TULP4: variants seen among roughly 807,000 people sequenced by gnomAD.
TULP4 encodes the protein TUB like protein 4.
TULP4 carries 16 observed loss-of-function variants against 129.0 expected under a neutral mutation model. That is an observed-to-expected ratio of 0.12 (90% CI 0.08 to 0.19). The LOEUF (loss-of-function observed/expected upper bound fraction) is 0.19, where lower values mean the gene tolerates loss of function less well. Among genes scored for constraint, TULP4 ranks in the 10% least tolerant of loss-of-function variants. The pLI is 1.00. For synonymous variants in TULP4, 998 were observed against 854.0 expected, an observed-to-expected ratio of 1.17 and a Z score of -2.94; for missense variants, 1,842 against 2,059.1, an observed-to-expected ratio of 0.89 and a Z score of 2.04.
At chr6:158,251,449 G>A (rs1778137103) in intron 1 of TULP4, among the ~76,000 whole-genome samples, 2 of 144,576 alleles carry the variant, frequency 1.4e-5, no homozygotes, top group Admixed American at 1.5e-4. Flanking sequence ...TTCTAACTTA[G>A]ACTTAATATA....
intron 8 of TULP4, among the ~76,000 whole-genome samples, chr6:158,485,045 T>C (rs1780034259): frequency 6.6e-6 from 1 of 152,226 alleles, no homozygotes; most frequent in Non-Finnish European, 1.5e-5. Context: ...AGGGCAATTC[T>C]GGTGAGGTCT....
chr6:158,475,807 A>G (rs1415399184), intron 6 of TULP4, among the ~76,000 whole-genome samples: 1 of 152,194 alleles, frequency 6.6e-6, no homozygotes, highest in Non-Finnish European at 1.5e-5. Context: ...AGTTAGCGCC[A>G]TTTGACTCTT....
chr6:158,476,030 C>T (rs1190348572), intron 6 of TULP4, among the ~76,000 whole-genome samples: 2 of 152,158 alleles, frequency 1.3e-5, no homozygotes, highest in Non-Finnish European at 2.9e-5. Context: ...TTCATTTCCC[C>T]AGGTCAGTGA....
At chr6:158,368,690 A>G (rs565316557) in intron 1 of TULP4, among the ~76,000 whole-genome samples, 14 of 152,344 alleles carry the variant, frequency 9.2e-5, no homozygotes, top group African/African-American at 3.4e-4. Context: ...TCACAGATCC[A>G]TCCCAGTTAT....
At chr6:158,309,252 G>A (rs1476046905), upstream of TULP4, among the ~76,000 whole-genome samples, 1 of 134,614 alleles carries the variant, frequency 7.4e-6, no homozygotes, top group Non-Finnish European at 1.6e-5. Flanking sequence ...CCTCCCAGAC[G>A]GGGTCGCGGC....
At chr6:158,277,816 C>A (rs1204560462), upstream of TULP4, among the ~76,000 whole-genome samples, 1 of 152,176 alleles carries the variant, frequency 6.6e-6, no homozygotes, top group African/African-American at 2.4e-5. Context: ...AAACAACTCC[C>A]TGTAACAGTC....
intron 1 of TULP4, among the ~76,000 whole-genome samples, chr6:158,236,658 C>CTG (rs1427355445): frequency 6.6e-6 from 1 of 152,000 alleles, no homozygotes; most frequent in Admixed American, 6.6e-5. Context: ...CAGACTCTAG[C>CTG]TGAAATAGTA....
chr6:158,284,234 A>G (rs1431900152), intron 1 of TULP4, among the ~76,000 whole-genome samples: 2 of 152,224 alleles, frequency 1.3e-5, no homozygotes, highest in African/African-American at 4.8e-5. Flanking sequence ...GCTGGAAAAC[A>G]AAACAAAAAC....
In TULP4 at chr6:158,365,511, C is replaced by T. The variant is rs187675329; in HGVS notation, c.253-47554C>T. 4.0e-3 allele frequency among the ~76,000 whole-genome samples: 558 copies of T among 139,680 alleles called. 3 individuals are homozygous for T. Among genetic ancestry groups the T allele is most frequent in the African/African-American group, 0.014 (527 of 37,462 alleles). The allele number at this position is 139,680 out of a possible 152,430, so 91.6% of individuals were successfully genotyped here. ...TTTGTTTTTGAGACAGAGTCTTGCT[C>T]TGTTGCCCAGGCTGGAGTGCAGTGG... On this transcript the variant is annotated intron_variant, in intron 1 of 13. Transcript: ENST00000367097.
intron 1 of TULP4, among the ~76,000 whole-genome samples, chr6:158,362,270 G>T (rs1236675130): frequency 1.3e-5 from 2 of 152,166 alleles, no homozygotes; most frequent in Admixed American, 6.5e-5. Context: ...AGTGAAGTCT[G>T]ATACTGTTGT....
At chr6:158,261,708 G>C (rs536880397) in intron 1 of TULP4, among the ~76,000 whole-genome samples, 3 of 152,230 alleles carry the variant, frequency 2.0e-5, no homozygotes, top group Non-Finnish European at 2.9e-5. Context: ...GACTGTTCAT[G>C]TAGCGGTCTG....
intron 3 of TULP4, among the ~76,000 whole-genome samples, chr6:158,439,030 G>A (rs1215550001): frequency 2.0e-5 from 3 of 152,008 alleles, no homozygotes; most frequent in African/African-American, 7.2e-5. Flanking sequence ...AATTAGCAGG[G>A]TGTGGTGGCA....
intron 1 of TULP4, among the ~76,000 whole-genome samples, chr6:158,295,360 TA>T (rs999332610): frequency 2.0e-5 from 3 of 151,880 alleles, no homozygotes; most frequent in African/African-American, 4.8e-5. Flanking sequence ...TACAATAATT[TA>T]AAAAAAACTT....
rs187623275 is a variant in TULP4, at chr6:158,325,348, A to C, written c.252+11080A>C. 3.8e-4 allele frequency among the ~76,000 whole-genome samples: 48 copies of C among 127,732 alleles called. No individual in the cohort carries two copies. In the East Asian group the frequency reaches 0.011, roughly 30 times the overall value. 83.8% of individuals were successfully genotyped at this position (127,732 alleles called of 152,430 possible). A position where few individuals can be genotyped will look rare whatever the true frequency, so the allele number is the denominator to read the frequency against. On this transcript the variant is annotated intron_variant, in intron 1 of 13. Transcript: ENST00000367097. ...TGTAAACTGAAGGGATTTGAGGAAC[A>C]GCTTTTCTTTTTTTTTTTTTTTCAG... is the stretch of plus-strand genomic sequence containing the variant.
In TULP4 at chr6:158,266,441, G is replaced by A. The variant is rs552740595; in HGVS notation, n.68+34138G>A. Among the ~76,000 whole-genome samples the A allele has an allele frequency of 3.6e-3, 541 of 152,202 alleles. 1 individual carries two copies. The highest frequency in any genetic ancestry group is 4.6e-3 in the Non-Finnish European group (310 of 68,010). ...CCAGCTAATTTTTGTATTTTTTGTA[G>A]AGACATGGTTTCACCTTGTTCCCAG... On this transcript the variant is annotated intron_variant and non_coding_transcript_variant, in intron 1 of 1. Coordinates refer to the TULP4 transcript ENST00000620026.
intron 8 of TULP4, among the ~76,000 whole-genome samples, chr6:158,485,412 C>G (rs1173288525): frequency 6.6e-6 from 1 of 152,098 alleles, no homozygotes; most frequent in African/African-American, 2.4e-5. Flanking sequence ...TGATAAAGCG[C>G]TTATGAAATT....
chr6:158,434,611 A>G (rs1267879001), intron 3 of TULP4, among the ~76,000 whole-genome samples: 2 of 152,186 alleles, frequency 1.3e-5, no homozygotes, highest in African/African-American at 4.8e-5. Flanking sequence ...AAATTATTTG[A>G]GACGTTGACA....
intron 1 of TULP4, among the ~76,000 whole-genome samples, chr6:158,320,003 T>A (rs1490575889): frequency 6.6e-6 from 1 of 152,196 alleles, no homozygotes; most frequent in Non-Finnish European, 1.5e-5. Flanking sequence ...AAATGAATGA[T>A]CAGCCAAACC....
chr6:158,400,588 T>G (rs576256290), intron 1 of TULP4, among the ~76,000 whole-genome samples: 1 of 152,326 alleles, frequency 6.6e-6, no homozygotes, highest in South Asian at 2.1e-4. Context: ...CATATATGGC[T>G]GGTGAAGAAT....
Sources: allele counts gnomAD v4.1 joint callset (sites outside exome capture counted in the v4.1 genomes callset), GRCh38; gene constraint gnomAD v4.1.1; transcripts MANE v1.5; gene names NCBI Gene and HGNC (gene_info 2026-07-23, HGNC 2026-07-21).